The following UNC5C variants were observed in gnomAD, a reference collection of about 807,000 sequenced individuals.
The protein encoded by UNC5C is unc-5 netrin receptor C, also known as netrin receptor UNC5C.
Under a neutral mutation model 99.8 loss-of-function variants are expected in UNC5C, and 47 were observed. That is an observed-to-expected ratio of 0.47 (90% CI 0.37 to 0.60). The LOEUF (loss-of-function observed/expected upper bound fraction) is 0.60. Ranked by LOEUF, UNC5C falls within the 20% of genes least tolerant of loss-of-function variation. The pLI is 0.00. For missense variants in UNC5C, 1,062 were observed against 1,165.9 expected, an observed-to-expected ratio of 0.91 and a Z score of 1.30; for synonymous variants, 487 against 452.2, an observed-to-expected ratio of 1.08 and a Z score of -0.98.
intron 1 of UNC5C, among the ~76,000 whole-genome samples, chr4:95,446,920 T>C (rs1297950616): frequency 1.3e-5 from 2 of 152,208 alleles, no homozygotes; most frequent in African/African-American, 4.8e-5. Flanking sequence ...CTCCACAGCA[T>C]TTCTCTATCA....
At chr4:95,331,788 T>G (rs980043991) in intron 2 of UNC5C, among the ~76,000 whole-genome samples, 9 of 152,236 alleles carry the variant, frequency 5.9e-5, no homozygotes, top group African/African-American at 2.2e-4. Flanking sequence ...TCAATATATG[T>G]GTATATGTGT....
intron 7 of UNC5C, among the ~76,000 whole-genome samples, chr4:95,226,490 G>T (rs1738695100): frequency 6.6e-6 from 1 of 152,160 alleles, no homozygotes; most frequent in Admixed American, 6.5e-5. Flanking sequence ...AAGATGCTGG[G>T]TCCTTAAGGG....
At chr4:95,359,602 T>C (rs953522004) in intron 1 of UNC5C, among the ~76,000 whole-genome samples, 1 of 152,228 alleles carries the variant, frequency 6.6e-6, no homozygotes, top group African/African-American at 2.4e-5. Context: ...TAAAGCTCCC[T>C]GTGTTTTTCC....
intron 3 of UNC5C, among the ~76,000 whole-genome samples, chr4:95,286,826 A>G (rs1741253293): frequency 6.6e-6 from 1 of 152,192 alleles, no homozygotes; most frequent in Admixed American, 6.5e-5. Flanking sequence ...CACAGACCCC[A>G]AATCTGATGA....
chr4:95,309,370 G>A (rs10029797), intron 2 of UNC5C, among the ~76,000 whole-genome samples: 126,119 of 152,036 alleles, frequency 0.83, 52,492 homozygotes, highest in African/African-American at 0.89. Context: ...ACATTAGTTT[G>A]GGCAATGATT....
intron 1 of UNC5C, among the ~76,000 whole-genome samples, chr4:95,458,908 C>T (rs184698454): frequency 6.6e-6 from 1 of 152,074 alleles, no homozygotes; most frequent in East Asian, 1.9e-4. Context: ...TACCCCAAGC[C>T]TTATCCCTTA....
At position 95,227,142 on chromosome 4, in the gene UNC5C, T is replaced by G. The variant is rs965895269; in HGVS notation, c.1109-6966A>C. Among the ~76,000 whole-genome samples the G allele has an allele frequency of 1.2e-4, 10 of 81,966 alleles. No homozygotes were observed. The East Asian group carries it at 5.4e-3, about 44-fold the overall frequency. 53.8% of individuals were successfully genotyped at this position (81,966 alleles called of 152,430 possible). ...CCTATATCCACTTTAAAACAATGTT[T>G]TTTTTTTTTTTTAAATATTTATTTC... On this transcript the variant is annotated intron_variant, in intron 7 of 15. Transcript: ENST00000453304.
intron 1 of UNC5C, among the ~76,000 whole-genome samples, chr4:95,483,554 A>T (rs1178332282): frequency 6.6e-6 from 1 of 151,794 alleles, no homozygotes; most frequent in African/African-American, 2.4e-5. Flanking sequence ...CCATCCTAAG[A>T]ATGAATTTAG....
intron 1 of UNC5C, among the ~76,000 whole-genome samples, chr4:95,358,540 C>T (rs1744286771): frequency 6.6e-6 from 1 of 152,162 alleles, no homozygotes; most frequent in South Asian, 2.1e-4. Context: ...TTAGAAATCA[C>T]AATACTTGAC....
At chr4:95,349,454 A>G (rs73837568) in intron 1 of UNC5C, among the ~76,000 whole-genome samples, 52 of 149,036 alleles carry the variant, frequency 3.5e-4, no homozygotes, top group African/African-American at 1.2e-3. Context: ...ACAAACATTG[A>G]TGGTCATTAC....
intron 1 of UNC5C, among the ~76,000 whole-genome samples, chr4:95,501,436 C>A (rs1408300387): frequency 1.3e-5 from 2 of 152,046 alleles, no homozygotes; most frequent in African/African-American, 2.4e-5. Flanking sequence ...AGGAGGCTAA[C>A]AATGTCCATT....
At chr4:95,410,377 G>C (rs1745945525) in intron 1 of UNC5C, among the ~76,000 whole-genome samples, 1 of 152,168 alleles carries the variant, frequency 6.6e-6, no homozygotes, top group African/African-American at 2.4e-5. Context: ...TTTCACCCAA[G>C]GGGTTACCTG....
chr4:95,461,202 T>A (rs1434261600), intron 1 of UNC5C, among the ~76,000 whole-genome samples: 8 of 152,192 alleles, frequency 5.3e-5, no homozygotes, highest in African/African-American at 1.7e-4. Flanking sequence ...AGTATCTTTT[T>A]CCTCCAAGGA....
At chr4:95,502,371 C>T (rs183792913) in intron 1 of UNC5C, among the ~76,000 whole-genome samples, 1 of 152,036 alleles carries the variant, frequency 6.6e-6, no homozygotes, top group Non-Finnish European at 1.5e-5. Context: ...TGGGTTCAAT[C>T]GATCCTCCCC....
At chr4:95,336,391 C>T (rs1159772914) in intron 1 of UNC5C, among the ~76,000 whole-genome samples, 2 of 151,838 alleles carry the variant, frequency 1.3e-5, no homozygotes, top group Non-Finnish European at 2.9e-5. Context: ...GAGAACAGAG[C>T]TATTACTAAT....
At chr4:95,235,282 TGG>T (rs1185644361) in intron 7 of UNC5C, among the ~76,000 whole-genome samples, 2 of 152,232 alleles carry the variant, frequency 1.3e-5, no homozygotes, top group Non-Finnish European at 2.9e-5. Context: ...ATAAACATAA[TGG>T]AATACTAAGC....
At chr4:95,517,849 A>C (rs1330330138) in intron 1 of UNC5C, among the ~76,000 whole-genome samples, 2 of 152,176 alleles carry the variant, frequency 1.3e-5, no homozygotes, top group Non-Finnish European at 2.9e-5. Context: ...AATTATGTTA[A>C]GTAACTCATT....
chr4:95,371,479 G>C (rs2149438871), intron 1 of UNC5C, among the ~76,000 whole-genome samples: 1 of 151,530 alleles, frequency 6.6e-6, no homozygotes, highest in South Asian at 2.1e-4. Context: ...GATGAAAACT[G>C]ATAGGAAGAT....
chr4:95,241,236 A>C (rs933396811), intron 7 of UNC5C, among the ~76,000 whole-genome samples: 2 of 152,222 alleles, frequency 1.3e-5, no homozygotes, highest in African/African-American at 4.8e-5. Flanking sequence ...TGTGAGGTTC[A>C]CAGTGGCAGG....
Sources: gnomAD v4.1 joint callset for allele counts (sites outside exome capture counted in the v4.1 genomes callset) on GRCh38, gnomAD v4.1.1 for gene constraint, MANE v1.5 for transcripts, NCBI Gene and HGNC (gene_info 2026-07-23, HGNC 2026-07-21) for gene names.